Variants in PTPRD observed in about 807,000 individuals in gnomAD.
PTPRD encodes the protein receptor-type tyrosine-protein phosphatase delta.
A neutral mutation model predicts 214.5 loss-of-function variants in PTPRD; 34 were observed. That is an observed-to-expected ratio of 0.16 (90% CI 0.12 to 0.21). The LOEUF is 0.21. Among genes scored for constraint, PTPRD ranks in the 10% least tolerant of loss-of-function variants. The probability of loss-of-function intolerance (pLI) is 1.00; values close to 1 mark genes in which losing one functional copy is unlikely to be tolerated. For synonymous variants in PTPRD, 1,128 were observed against 845.7 expected, an observed-to-expected ratio of 1.33 and a Z score of -5.79; for missense variants, 2,545 against 2,398.7, an observed-to-expected ratio of 1.06 and a Z score of -1.27.
intron 10 of PTPRD, among the ~76,000 whole-genome samples, chr9:9,177,086 G>T (rs1220059790): frequency 6.6e-6 from 1 of 152,090 alleles, no homozygotes; most frequent in East Asian, 1.9e-4. Context: ...AGGTTTAATT[G>T]ACTCACAGTT....
intron 2 of PTPRD, among the ~76,000 whole-genome samples, chr9:10,356,545 A>T (rs2097281230): frequency 6.6e-6 from 1 of 152,216 alleles, no homozygotes; most frequent in South Asian, 2.1e-4. Flanking sequence ...AGAAAGGAAG[A>T]CTCAGAAAAA....
chr9:10,326,339 T>C (rs2096643027), intron 3 of PTPRD, among the ~76,000 whole-genome samples: 1 of 151,770 alleles, frequency 6.6e-6, no homozygotes. Flanking sequence ...GTGTATTATA[T>C]TTTTAAGCCA....
intron 3 of PTPRD, among the ~76,000 whole-genome samples, chr9:10,117,264 T>C (rs2098737674): frequency 1.3e-5 from 2 of 152,142 alleles, no homozygotes; most frequent in African/African-American, 4.8e-5. Context: ...AGCCCATTTT[T>C]AGAACTGCTA....
At chr9:8,627,965 G>A (rs1040051178) in intron 14 of PTPRD, among the ~76,000 whole-genome samples, 2 of 151,928 alleles carry the variant, frequency 1.3e-5, no homozygotes, top group African/African-American at 4.8e-5. Context: ...TGGTATCAAT[G>A]TATTCCAAGT....
At chr9:8,953,491 T>C (rs1161704698) in intron 11 of PTPRD, among the ~76,000 whole-genome samples, 2 of 151,830 alleles carry the variant, frequency 1.3e-5, no homozygotes, top group South Asian at 2.1e-4. Flanking sequence ...AAAACAAAAA[T>C]TGATAAGTGG....
intron 2 of PTPRD, among the ~76,000 whole-genome samples, chr9:10,543,473 T>TACACACACACACACAC (rs1462198412): frequency 2.8e-4 from 15 of 54,406 alleles, no homozygotes; most frequent in African/African-American, 7.1e-4. Flanking sequence ...GTTTAATATA[T>TACACACACACACACAC]ATATATACAC....
intron 3 of PTPRD, among the ~76,000 whole-genome samples, chr9:10,291,101 A>T (rs1386035378): frequency 1.3e-5 from 2 of 150,124 alleles, no homozygotes; most frequent in African/African-American, 4.9e-5. Context: ...CTCTTGAGAT[A>T]TGAAGAAAAA....
intron 11 of PTPRD, among the ~76,000 whole-genome samples, chr9:8,859,407 A>G (rs1052835298): frequency 6.6e-6 from 1 of 152,176 alleles, no homozygotes. Flanking sequence ...CAGCATGTGG[A>G]AAAAGTCGGC....
chr9:8,756,326 C>T (rs72702325), intron 11 of PTPRD, among the ~76,000 whole-genome samples: 403 of 152,204 alleles, frequency 2.6e-3, no homozygotes, highest in Middle Eastern at 0.014. Context: ...TCCCCACCCC[C>T]GGGAGACTGA....
intron 4 of PTPRD, among the ~76,000 whole-genome samples, chr9:9,957,428 A>T (rs187049627): frequency 6.6e-6 from 1 of 152,256 alleles, no homozygotes; most frequent in Admixed American, 6.5e-5. Context: ...GAAAAAACAG[A>T]TAAACAAGGT....
intron 5 of PTPRD, among the ~76,000 whole-genome samples, chr9:9,767,087 GACTTCTGTTCCTTTATGTCTTAAAATAA>G (rs1351907035): frequency 7.3e-5 from 11 of 151,210 alleles, no homozygotes; most frequent in African/African-American, 1.9e-4. Context: ...GAACCCAAAG[GACTTCTGTTCCTTTATGTCTTAAAATAA>G]ACTTTCCAGG....
intron 10 of PTPRD, among the ~76,000 whole-genome samples, chr9:9,080,585 G>T (rs1390777974): frequency 6.6e-6 from 1 of 152,008 alleles, no homozygotes; most frequent in Admixed American, 6.6e-5. Context: ...AGTAGAGATA[G>T]CATGTGACTC....
At chr9:10,084,957 A>G (rs543939903) in intron 3 of PTPRD, among the ~76,000 whole-genome samples, 1 of 152,058 alleles carries the variant, frequency 6.6e-6, no homozygotes, top group Non-Finnish European at 1.5e-5. Context: ...TGATAGCATG[A>G]AGGTGCACAG....
intron 35 of PTPRD, among the ~76,000 whole-genome samples, chr9:8,424,748 C>G (rs909138115): frequency 6.6e-6 from 1 of 152,028 alleles, no homozygotes; most frequent in African/African-American, 2.4e-5. Context: ...GAGGAGGGAT[C>G]ATGAGAGAAA....
At chr9:10,085,736 T>G (rs1254822249) in intron 3 of PTPRD, among the ~76,000 whole-genome samples, 1 of 151,770 alleles carries the variant, frequency 6.6e-6, no homozygotes, top group Non-Finnish European at 1.5e-5. Context: ...GCTATTTGCT[T>G]AGCAACAACT....
intron 14 of PTPRD, among the ~76,000 whole-genome samples, chr9:8,632,902 G>C (rs7357622): frequency 6.6e-6 from 1 of 151,928 alleles, no homozygotes; most frequent in South Asian, 2.1e-4. Flanking sequence ...TTCATCTTTA[G>C]GCTAAGGTTC....
chr9:10,520,105 T>C (rs559658230), intron 2 of PTPRD, among the ~76,000 whole-genome samples: 1 of 152,204 alleles, frequency 6.6e-6, no homozygotes, highest in South Asian at 2.1e-4. Context: ...TTAAGCTTAG[T>C]GAGGAAAGCA....
At chr9:9,921,805 G>T (rs532158644) in intron 5 of PTPRD, among the ~76,000 whole-genome samples, 1 of 151,472 alleles carries the variant, frequency 6.6e-6, no homozygotes, top group East Asian at 1.9e-4. Context: ...ATTGAGAGCA[G>T]CTGATATTAT....
intron 2 of PTPRD, among the ~76,000 whole-genome samples, chr9:10,470,233 A>AC (rs2099021685): frequency 2.0e-5 from 3 of 152,136 alleles, no homozygotes; most frequent in African/African-American, 7.2e-5. Flanking sequence ...ACACCACATA[A>AC]ATATGTACAA....
Sources: gnomAD v4.1 joint callset for allele counts (sites outside exome capture counted in the v4.1 genomes callset) on GRCh38, gnomAD v4.1.1 for gene constraint, MANE v1.5 for transcripts, NCBI Gene and HGNC (gene_info 2026-07-23, HGNC 2026-07-21) for gene names.